CTNNA3: variants seen among roughly 807,000 people sequenced by gnomAD.
The protein encoded by CTNNA3 is catenin alpha 3, also known as catenin alpha-3.
CTNNA3 carries 76 observed loss-of-function variants against 95.7 expected under a neutral mutation model. The observed-to-expected ratio is 0.79, with a 90% CI of 0.66 to 0.96. The LOEUF (loss-of-function observed/expected upper bound fraction) is 0.96, where lower values mean the gene tolerates loss of function less well. Ranked by LOEUF, CTNNA3 falls within the 40% of genes least tolerant of loss-of-function variation. The probability of loss-of-function intolerance (pLI) is 0.00; values close to 1 mark genes in which losing one functional copy is unlikely to be tolerated. For synonymous variants in CTNNA3, 431 were observed against 374.4 expected (o/e 1.15, Z -1.74); for missense variants, 1,191 against 1,089.8 (o/e 1.09, Z -1.31).
chr10:65,991,832 T>C (rs1374062163), intron 15 of CTNNA3, among the ~76,000 whole-genome samples: 2 of 152,224 alleles, frequency 1.3e-5, no homozygotes, highest in Non-Finnish European at 2.9e-5. Context: ...GTTCCGGATC[T>C]TGATAGAAAG....
intron 9 of CTNNA3, among the ~76,000 whole-genome samples, chr10:66,670,114 T>G (rs1018323955): frequency 1.3e-5 from 2 of 152,156 alleles, no homozygotes; most frequent in Non-Finnish European, 2.9e-5. Context: ...CTGACAGTTA[T>G]GGCAACATAT....
chr10:66,710,805 T>C (rs1463096358), intron 9 of CTNNA3, among the ~76,000 whole-genome samples: 1 of 151,872 alleles, frequency 6.6e-6, no homozygotes, highest in African/African-American at 2.4e-5. Context: ...TCTGAGATAT[T>C]TATAATTCAA....
At chr10:66,668,584 G>T (rs1846545097) in intron 9 of CTNNA3, among the ~76,000 whole-genome samples, 1 of 151,898 alleles carries the variant, frequency 6.6e-6, no homozygotes, top group Non-Finnish European at 1.5e-5. Context: ...AGGCCGAGGT[G>T]GGCGGATCAC....
chr10:67,545,377 T>C (rs1014561311), intron 3 of CTNNA3, among the ~76,000 whole-genome samples: 1 of 152,168 alleles, frequency 6.6e-6, no homozygotes, highest in African/African-American at 2.4e-5. Flanking sequence ...GAAGACCTTC[T>C]GCTTCCAATA....
intron 11 of CTNNA3, among the ~76,000 whole-genome samples, chr10:66,468,713 ACAT>A (rs1589292870): frequency 6.6e-6 from 1 of 152,072 alleles, no homozygotes; most frequent in East Asian, 1.9e-4. Context: ...CGTATATCAA[ACAT>A]CATGTTATAT....
At chr10:66,595,438 G>A (rs1324875919) in intron 10 of CTNNA3, among the ~76,000 whole-genome samples, 2 of 151,868 alleles carry the variant, frequency 1.3e-5, no homozygotes, top group African/African-American at 4.8e-5. Flanking sequence ...CTACCTCCCG[G>A]GTTCCAGCAA....
At position 67,421,260 on chromosome 10, in the gene CTNNA3, A is replaced by C. The variant is rs182095880; in HGVS notation, c.579+100582T>G. On this transcript the variant is annotated intron_variant, in intron 5 of 17. Coordinates refer to ENST00000433211, the MANE Select transcript of CTNNA3 (RefSeq NM_013266.4). ...TACTTTGCAGGTTGCAGGATGTGAG[A>C]AATGTCTGTATAAAATAGAAAATAT... is the stretch of plus-strand genomic sequence containing the variant. Among the ~76,000 whole-genome samples the C allele has an allele frequency of 3.9e-5, 6 of 152,350 alleles. No individual in the cohort carries two copies. The East Asian group carries it at 1.2e-3, about 29-fold the overall frequency.
chr10:66,444,425 A>G (rs1050460286), intron 11 of CTNNA3, among the ~76,000 whole-genome samples: 3 of 152,286 alleles, frequency 2.0e-5, no homozygotes, highest in African/African-American at 7.2e-5. Flanking sequence ...AGCCAGAGAG[A>G]AAGGTTGGGT....
At chr10:67,227,358 T>C (rs1045297750) in intron 5 of CTNNA3, among the ~76,000 whole-genome samples, 1 of 152,270 alleles carries the variant, frequency 6.6e-6, no homozygotes, top group South Asian at 2.1e-4. Flanking sequence ...CCCAAAGTGC[T>C]GGGATTAAAG....
chr10:66,807,427 A>G (rs1452548247), intron 7 of CTNNA3, among the ~76,000 whole-genome samples: 3 of 152,132 alleles, frequency 2.0e-5, no homozygotes, highest in Admixed American at 6.6e-5. Flanking sequence ...TCAGCTAACC[A>G]ACCCAGTAAA....
chr10:66,197,791 C>T (rs2087061191), intron 13 of CTNNA3, among the ~76,000 whole-genome samples: 1 of 152,152 alleles, frequency 6.6e-6, no homozygotes, highest in Admixed American at 6.6e-5. Context: ...TTATGGTGCG[C>T]TGTTCTTCCT....
chr10:67,068,409 T>C (rs2131839340), intron 7 of CTNNA3, among the ~76,000 whole-genome samples: 2 of 152,320 alleles, frequency 1.3e-5, no homozygotes, highest in South Asian at 2.1e-4. Flanking sequence ...ATTCGATGGA[T>C]CTGTCTGTTA....
intron 14 of CTNNA3, among the ~76,000 whole-genome samples, chr10:66,090,710 T>C (rs952969224): frequency 6.6e-6 from 1 of 152,014 alleles, no homozygotes; most frequent in African/African-American, 2.4e-5. Context: ...TACAAGTACA[T>C]GACTATTACA....
intron 12 of CTNNA3, among the ~76,000 whole-genome samples, chr10:66,372,295 G>C (rs1052409305): frequency 1.3e-5 from 2 of 152,112 alleles, no homozygotes; most frequent in African/African-American, 4.8e-5. Context: ...ATCTGAATTA[G>C]TCATTTTACA....
chr10:66,487,443 C>T (rs968923289), intron 11 of CTNNA3, among the ~76,000 whole-genome samples: 1 of 151,606 alleles, frequency 6.6e-6, no homozygotes, highest in Admixed American at 6.6e-5. Flanking sequence ...CCTCGTGATC[C>T]GCCCGTCTCG....
rs190935591 is a variant in CTNNA3 at position 66,270,487 on chromosome 10, T to C, written c.1884+9983A>G. On this transcript the variant is annotated intron_variant, in intron 13 of 17. Coordinates refer to ENST00000433211, the MANE Select transcript of CTNNA3 (RefSeq NM_013266.4). ...TTCCAAAGTGCTGGGATTATAGATA[T>C]AAGCCACTGTACCCAGACAGACTTT... Among the ~76,000 whole-genome samples the C allele has an allele frequency of 2.0e-5, 3 of 152,310 alleles. No individual in the cohort carries two copies. The East Asian group carries it at 5.8e-4, about 29-fold the overall frequency.
intron 7 of CTNNA3, among the ~76,000 whole-genome samples, chr10:67,097,294 A>G (rs1858058945): frequency 6.6e-6 from 1 of 151,924 alleles, no homozygotes; most frequent in Non-Finnish European, 1.5e-5. Flanking sequence ...AGCGAAAGCA[A>G]TTTTCTGACT....
intron 10 of CTNNA3, among the ~76,000 whole-genome samples, chr10:66,535,938 G>A (rs115041195): frequency 6.6e-6 from 1 of 152,074 alleles, no homozygotes; most frequent in Non-Finnish European, 1.5e-5. Context: ...CAAAATATAT[G>A]GTTTGGGTGA....
At chr10:66,553,776 C>T (rs935763523) in intron 10 of CTNNA3, among the ~76,000 whole-genome samples, 1 of 151,862 alleles carries the variant, frequency 6.6e-6, no homozygotes, top group African/African-American at 2.4e-5. Context: ...ATCCACCTGC[C>T]TCAGCCTCCC....
Sources: allele counts gnomAD v4.1 joint callset (sites outside exome capture counted in the v4.1 genomes callset), GRCh38; gene constraint gnomAD v4.1.1; transcripts MANE v1.5; gene names NCBI Gene and HGNC (gene_info 2026-07-23, HGNC 2026-07-21).